The following NTRK3 variants were observed in gnomAD, a reference collection of about 807,000 sequenced individuals.
The protein encoded by NTRK3 is NT-3 growth factor receptor.
A neutral mutation model predicts 91.7 loss-of-function variants in NTRK3; 24 were observed. That is an observed-to-expected ratio of 0.26 (90% CI 0.19 to 0.37). The LOEUF is 0.37. Among genes scored for constraint, NTRK3 ranks in the 10% least tolerant of loss-of-function variants. The pLI, the probability that NTRK3 is intolerant of heterozygous loss-of-function variation, is 1.00. For missense variants in NTRK3, 880 were observed against 1,068.9 expected, an observed-to-expected ratio of 0.82 and a Z score of 2.46; for synonymous variants, 483 against 404.0, an observed-to-expected ratio of 1.20 and a Z score of -2.34.
At chr15:87,934,932 G>C (rs773456660) in intron 15 of NTRK3, among the ~76,000 whole-genome samples, 4 of 152,022 alleles carry the variant, frequency 2.6e-5, no homozygotes, top group Non-Finnish European at 5.9e-5. Context: ...AAATTTGGAG[G>C]CTTCATAAAA....
intron 13 of NTRK3, among the ~76,000 whole-genome samples, chr15:88,063,131 C>T (rs2046359689): frequency 6.6e-6 from 1 of 152,212 alleles, no homozygotes; most frequent in Non-Finnish European, 1.5e-5. Flanking sequence ...GTGCAACTCC[C>T]TTATTTGTTT....
intron 14 of NTRK3, among the ~76,000 whole-genome samples, chr15:87,983,335 T>C (rs923488562): frequency 6.6e-6 from 1 of 152,112 alleles, no homozygotes; most frequent in South Asian, 2.1e-4. Flanking sequence ...GGTGCCACAC[T>C]TTCCACAACT....
In NTRK3 at chr15:88,141,048, A is replaced by G. The variant is rs189513608; in HGVS notation, c.465-3487T>C. Among the ~76,000 whole-genome samples, 193 of 152,256 alleles carry G rather than the reference A, an allele frequency of 1.3e-3. 1 individual carries two copies. Among genetic ancestry groups the G allele is most frequent in the Non-Finnish European group, 1.9e-4 (13 of 68,002 alleles). On this transcript the variant is annotated intron_variant, in intron 6 of 18. Coordinates refer to ENST00000394480, the Ensembl canonical transcript of NTRK3. The stretch of plus-strand genomic sequence containing the variant: ...CTTTGGTTGAAAACAGAAGAGAAAG[A>G]AAAGAACCAGCAGAAAGGAAGAGAG...
chr15:88,194,581 T>A (rs2047667756), intron 3 of NTRK3, among the ~76,000 whole-genome samples: 1 of 152,214 alleles, frequency 6.6e-6, no homozygotes, highest in Admixed American at 6.5e-5. Context: ...CACCATCACC[T>A]TTCATAAAGA....
chr15:88,108,810 TG>T (rs754724810), intron 13 of NTRK3, among the ~76,000 whole-genome samples: 52 of 152,306 alleles, frequency 3.4e-4, no homozygotes, highest in South Asian at 8.3e-4. Flanking sequence ...ATAAGGAGCT[TG>T]GCAGAAATGC....
intron 13 of NTRK3, among the ~76,000 whole-genome samples, chr15:88,083,476 T>C (rs60903671): frequency 0.014 from 2,204 of 152,180 alleles, 49 homozygotes; most frequent in African/African-American, 0.05. Context: ...CCTGCCTCAG[T>C]CTCCCAAAGT....
Position 88,055,472 on chromosome 15 carries a change from C to T in NTRK3, c.1397-22427G>A, listed in dbSNP as rs12442031. ...CCTGGAAATATGAAATATATTCATT[C>T]AATGACCCTTGAAAACATCATCATC... is the stretch of plus-strand genomic sequence containing the variant. On this transcript the variant is annotated intron_variant, in intron 13 of 18. Transcript: ENST00000394480. Among the ~76,000 whole-genome samples, 262 of 152,250 alleles carry T rather than the reference C, an allele frequency of 1.7e-3. 4 individuals are homozygous for T. The highest frequency in any genetic ancestry group is 0.017 in the Admixed American group (257 of 15,288).
At chr15:88,140,559 G>C (rs1051874761) in intron 6 of NTRK3, among the ~76,000 whole-genome samples, 1 of 152,218 alleles carries the variant, frequency 6.6e-6, no homozygotes, top group African/African-American at 2.4e-5. Context: ...GTTTATGTGA[G>C]TCATATCTAT....
At chr15:88,100,715 T>C (rs2050085310) in intron 13 of NTRK3, among the ~76,000 whole-genome samples, 1 of 152,126 alleles carries the variant, frequency 6.6e-6, no homozygotes, top group South Asian at 2.1e-4. Context: ...AAACTCCTCC[T>C]ACCTTAAAAA....
intron 13 of NTRK3, among the ~76,000 whole-genome samples, chr15:88,121,948 C>T (rs2052756756): frequency 1.3e-5 from 2 of 152,208 alleles, no homozygotes; most frequent in African/African-American, 2.4e-5. Context: ...TTTTGATCAA[C>T]ATGGCAGTTG....
intron 6 of NTRK3, among the ~76,000 whole-genome samples, chr15:88,145,664 C>T (rs2042822441): frequency 6.6e-6 from 1 of 152,192 alleles, no homozygotes; most frequent in Admixed American, 6.5e-5. Context: ...AGAAAGAGCA[C>T]TGAACATTTT....
intron 18 of NTRK3, among the ~76,000 whole-genome samples, chr15:87,878,606 C>T (rs1321077208): frequency 6.6e-6 from 1 of 152,206 alleles, no homozygotes; most frequent in Non-Finnish European, 1.5e-5. Context: ...GGGAGTGTCT[C>T]TTCTAATGTT....
intron 14 of NTRK3, among the ~76,000 whole-genome samples, chr15:88,029,503 G>A (rs891415245): frequency 6.6e-6 from 1 of 152,226 alleles, no homozygotes; most frequent in Non-Finnish European, 1.5e-5. Context: ...AAGCACATTT[G>A]TGCTTAATCC....
intron 13 of NTRK3, among the ~76,000 whole-genome samples, chr15:88,053,471 G>A (rs2045411030): frequency 6.6e-6 from 1 of 152,212 alleles, no homozygotes; most frequent in African/African-American, 2.4e-5. Context: ...AACCCAACAT[G>A]CCTGTACTTC....
At chr15:87,889,211 A>C (rs1040514862) in intron 17 of NTRK3, among the ~76,000 whole-genome samples, 4 of 152,014 alleles carry the variant, frequency 2.6e-5, no homozygotes, top group Non-Finnish European at 5.9e-5. Context: ...AGGGATAACT[A>C]TATTCACCTC....
intron 17 of NTRK3, among the ~76,000 whole-genome samples, chr15:87,904,798 C>A (rs1022738446): frequency 6.6e-6 from 1 of 152,192 alleles, no homozygotes; most frequent in Non-Finnish European, 1.5e-5. Flanking sequence ...TGATTCCCAG[C>A]TGGGACTCCA....
At chr15:87,991,392 G>T (rs1448916549) in intron 14 of NTRK3, among the ~76,000 whole-genome samples, 1 of 152,196 alleles carries the variant, frequency 6.6e-6, no homozygotes, top group Non-Finnish European at 1.5e-5. Context: ...AGAGTAAAAT[G>T]TGGGAAATGC....
chr15:88,020,332 T>A (rs2077514596), intron 14 of NTRK3, among the ~76,000 whole-genome samples: 3 of 152,146 alleles, frequency 2.0e-5, no homozygotes, highest in South Asian at 2.1e-4. Context: ...CTCATCTACA[T>A]CCATCATTTC....
chr15:88,226,840 C>T (rs896745896), intron 3 of NTRK3, among the ~76,000 whole-genome samples: 2 of 152,246 alleles, frequency 1.3e-5, no homozygotes, highest in Non-Finnish European at 2.9e-5. Context: ...TTAATCCTCT[C>T]AGTCACCCAG....
Sources: gnomAD v4.1 joint callset for allele counts (sites outside exome capture counted in the v4.1 genomes callset) on GRCh38, gnomAD v4.1.1 for gene constraint, MANE v1.5 for transcripts, NCBI Gene and HGNC (gene_info 2026-07-23, HGNC 2026-07-21) for gene names.